The following VWA3B variants were observed in gnomAD, a reference collection of about 807,000 sequenced individuals.
VWA3B encodes the protein von Willebrand factor A domain-containing protein 3B.
Under a neutral mutation model 158.3 loss-of-function variants are expected in VWA3B, and 138 were observed. The ratio of observed to expected loss-of-function variants is 0.87; its 90% CI spans 0.76 to 1.00. The LOEUF (loss-of-function observed/expected upper bound fraction) is 1.00. VWA3B is among the 50% of genes least tolerant of loss of function. The probability of loss-of-function intolerance (pLI) is 0.00; values close to 1 mark genes in which losing one functional copy is unlikely to be tolerated. For synonymous variants in VWA3B, 596 were observed against 587.3 expected (o/e 1.01, Z -0.21); for missense variants, 1,555 against 1,565.1 (o/e 0.99, Z 0.11).
intron 7 of VWA3B, among the ~76,000 whole-genome samples, chr2:98,161,210 G>A (rs11124056): frequency 0.33 from 50,541 of 152,140 alleles, 10,540 homozygotes; most frequent in East Asian, 0.64. Flanking sequence ...CAGCCAAGGG[G>A]CAGGGACTGC....
chr2:98,142,375 C>G (rs1676845698), intron 7 of VWA3B, among the ~76,000 whole-genome samples: 1 of 152,144 alleles, frequency 6.6e-6, no homozygotes, highest in Non-Finnish European at 1.5e-5. Context: ...CTCCCCCAAG[C>G]CAAAGGCAGG....
At chr2:98,099,618 T>C (rs903891513) in intron 2 of VWA3B, among the ~76,000 whole-genome samples, 2 of 152,178 alleles carry the variant, frequency 1.3e-5, no homozygotes, top group East Asian at 1.9e-4. Context: ...CAGATACTTA[T>C]ATCTTTCTCC....
At chr2:98,163,405 G>A (rs1186874192) in intron 8 of VWA3B, among the ~76,000 whole-genome samples, 1 of 152,068 alleles carries the variant, frequency 6.6e-6, no homozygotes, top group Admixed American at 6.6e-5. Flanking sequence ...GGGTGTGGTG[G>A]CCCGTGCCTG....
chr2:98,234,447 C>T (rs1414753340), intron 16 of VWA3B, among the ~76,000 whole-genome samples: 1 of 152,210 alleles, frequency 6.6e-6, no homozygotes, highest in Non-Finnish European at 1.5e-5. Flanking sequence ...GCTGACTTCT[C>T]TCCAGGAGGG....
chr2:98,254,820 G>A (rs945215676), intron 20 of VWA3B, among the ~76,000 whole-genome samples: 2 of 152,086 alleles, frequency 1.3e-5, no homozygotes, highest in Admixed American at 6.5e-5. Flanking sequence ...CTCTTCAGAG[G>A]CCCTGTCTGC....
chr2:98,092,187 C>T (rs1439785721), intron 1 of VWA3B, among the ~76,000 whole-genome samples: 1 of 152,210 alleles, frequency 6.6e-6, no homozygotes, highest in Non-Finnish European at 1.5e-5. Context: ...AGCCACTACA[C>T]CTGTTCGACA....
chr2:98,218,174 A>AGCT, intron 14 of VWA3B, 146 bp downstream of exon 14: 1 of 889,556 alleles, frequency 1.1e-6, no homozygotes, highest in Non-Finnish European at 1.6e-6. Context: ...TGAGTGTACC[A>AGCT]GTGTTTCTCA....
At chr2:98,158,152 G>GAA (rs1270217812) in intron 7 of VWA3B, among the ~76,000 whole-genome samples, 3 of 152,222 alleles carry the variant, frequency 2.0e-5, no homozygotes, top group Admixed American at 2.0e-4. Flanking sequence ...AGGTGCTCCA[G>GAA]AACTGTTTCT....
intron 2 of VWA3B, among the ~76,000 whole-genome samples, chr2:98,096,587 G>A (rs1319022768): frequency 6.6e-6 from 1 of 152,028 alleles, no homozygotes; most frequent in Non-Finnish European, 1.5e-5. Context: ...TTTTATTACT[G>A]ATTCCATCTC....
chr2:98,168,339 G>A (rs901452694), intron 8 of VWA3B, among the ~76,000 whole-genome samples: 1 of 150,882 alleles, frequency 6.6e-6, no homozygotes, highest in African/African-American at 2.4e-5. Flanking sequence ...GGACAATTAT[G>A]TATCAGTTCC....
At chr2:98,191,543 G>A (rs528381991) in intron 10 of VWA3B, among the ~76,000 whole-genome samples, 45 of 152,252 alleles carry the variant, frequency 3.0e-4, no homozygotes, top group African/African-American at 9.4e-4. Context: ...ATCTAGGGTC[G>A]CCTTTAGCCC....
intron 14 of VWA3B, among the ~76,000 whole-genome samples, chr2:98,225,335 A>G (rs1475152425): frequency 6.6e-6 from 1 of 152,256 alleles, no homozygotes; most frequent in Non-Finnish European, 1.5e-5. Flanking sequence ...CAGCATATCA[A>G]CAGGCTAAAG....
the VWA3B span, among the ~76,000 whole-genome samples, chr2:98,325,394 AAAG>A: frequency 1.3e-5 from 2 of 152,372 alleles, no homozygotes; most frequent in Middle Eastern, 3.4e-3. Flanking sequence ...TGCTGAAAGA[AAAG>A]AAAACCTCTC....
chr2:98,217,043 C>A, intron 13 of VWA3B: 1 of 1,198,856 alleles, frequency 8.3e-7, no homozygotes. Flanking sequence ...TGTTCAAGTG[C>A]CCCAGGATGG....
Position 98,162,980 on chromosome 2 carries a change from G to A in VWA3B, c.1114+4G>A. 6.2e-7 allele frequency: 1 copy of A among 1,614,006 alleles called. No individual in the cohort carries two copies. Among genetic ancestry groups the A allele is most frequent in the South Asian group, 1.1e-5 (1 of 91,058 alleles). On this transcript the variant is annotated splice_donor_region_variant and intron_variant, in intron 8 of 27. Transcript: ENST00000477737. ...GACGTGGCCACTGTGGACTGCGGTTGGTGCTATTTCTGGTCACTGGTGTAA... is the reference window on the plus strand; with the variant it reads ...GACGTGGCCACTGTGGACTGCGGTTAGTGCTATTTCTGGTCACTGGTGTAA...
intron 7 of VWA3B, among the ~76,000 whole-genome samples, chr2:98,146,438 G>A (rs1338150115): frequency 6.6e-6 from 1 of 152,180 alleles, no homozygotes; most frequent in East Asian, 1.9e-4. Flanking sequence ...TGCAGGGACA[G>A]AGTGGTTCCT....
intron 22 of VWA3B, among the ~76,000 whole-genome samples, chr2:98,279,212 A>T (rs1688725160): frequency 6.6e-6 from 1 of 152,160 alleles, no homozygotes; most frequent in Non-Finnish European, 1.5e-5. Context: ...AGAAGGGGGA[A>T]AATATCCCCA....
intron 14 of VWA3B, among the ~76,000 whole-genome samples, chr2:98,225,192 C>T (rs571485090): frequency 2.6e-5 from 4 of 152,320 alleles, no homozygotes; most frequent in East Asian, 1.9e-4. Flanking sequence ...CCTTGGCTTC[C>T]CAATGTGCTG....
intron 8 of VWA3B, among the ~76,000 whole-genome samples, chr2:98,180,500 C>G (rs1558642843): frequency 6.6e-6 from 1 of 152,228 alleles, no homozygotes; most frequent in Non-Finnish European, 1.5e-5. Flanking sequence ...CCTCACATAA[C>G]TTTTCTCACT....
Sources: allele counts gnomAD v4.1 joint callset (sites outside exome capture counted in the v4.1 genomes callset), GRCh38; gene constraint gnomAD v4.1.1; transcripts MANE v1.5; gene names NCBI Gene and HGNC (gene_info 2026-07-23, HGNC 2026-07-21).